Variants in RTN2 observed in about 807,000 individuals in gnomAD.
RTN2 encodes the protein reticulon 2.
In RTN2, 36 loss-of-function variants were observed where a neutral mutation model predicts 63.7. The observed-to-expected ratio is 0.56, with a 90% CI of 0.43 to 0.75. The LOEUF is 0.75. RTN2 is among the 30% of genes least tolerant of loss of function. RTN2 has a pLI of 0.00. For missense variants in RTN2, 673 were observed against 705.1 expected (o/e 0.95, Z 0.52); for synonymous variants, 312 against 313.0 (o/e 1.00, Z 0.03).
At position 45,494,686 on chromosome 19, in the gene RTN2, G is replaced by A. The variant is rs138223572; in HGVS notation, c.399C>T (p.Ser133=). The A allele has an allele frequency of 2.5e-6, 4 of 1,613,700 alleles. No individual in the cohort carries two copies. Among genetic ancestry groups the A allele is most frequent in the Non-Finnish European group, 1.7e-6 (2 of 1,179,988 alleles). Residue 133 remains serine (S), a synonymous_variant, in exon 3 of 11, where the codon TCC becomes TCT. Transcript: ENST00000245923. The surrounding 1 kb of genome is among the most constrained non-coding windows in gnomAD (Gnocchi z 5.3). ...RRGDPDTAPP[S]ERPLEDLRLR... ...GCCTCAGGTCTTCCAGAGGGCGCTC[G>A]GATGGAGGCGCGGTGTCAGGATCAC...
In RTN2 at chr19:45,494,678, G is replaced by A. The variant is rs1377964146; in HGVS notation, c.407C>T (p.Pro136Leu). The A allele has an allele frequency of 2.5e-6, 4 of 1,613,762 alleles. No individual in the cohort carries two copies. Among genetic ancestry groups the A allele is most frequent in the Admixed American group, 1.7e-5 (1 of 60,026 alleles). The change falls in exon 3 of 11, where the codon CCT (proline) becomes CTT (leucine). Residue 136 changes from proline (P) to leucine (L), a missense_variant. Coordinates refer to ENST00000245923, the MANE Select transcript of RTN2 (RefSeq NM_005619.5). This position sits in a 1 kb window ranked among gnomAD's most constrained non-coding sequence, Gnocchi z 5.3. ...DPDTAPPSER[P>L]LEDLRLRLDH... is the part of the protein sequence containing the mutation. ...CAACCGAAGCCTCAGGTCTTCCAGAGGGCGCTCGGATGGAGGCGCGGTGTC... is the reference window on the plus strand; with the variant it reads ...CAACCGAAGCCTCAGGTCTTCCAGAAGGCGCTCGGATGGAGGCGCGGTGTC...
chr19:45,496,831 C>G lies in RTN2; in HGVS notation c.-6G>C, dbSNP rs1192452801. The G allele has an allele frequency of 7.3e-6, 11 of 1,498,564 alleles. No individual in the cohort carries two copies. In the East Asian group the frequency reaches 1.6e-4, roughly 22 times the overall value. 92.8% of individuals were successfully genotyped at this position (1,498,564 alleles called of 1,614,324 possible). ...ACCGGCAGGACCTGCCCCATGGCCC[C>G]CCTCGGGCCTGCATCGGGACCCCCG... On this transcript the variant is annotated 5_prime_UTR_variant, in exon 1 of 11. Transcript: ENST00000245923.
chr19:45,490,586 AT>A (rs979521534), intron 5 of RTN2, among the ~76,000 whole-genome samples: 2 of 131,858 alleles, frequency 1.5e-5, no homozygotes, highest in Non-Finnish European at 1.7e-5. Context: ...TTTTGTTTTT[AT>A]TTTTTTTGAG....
At chr19:45,489,708 C>T (rs1968112594) in intron 5 of RTN2, among the ~76,000 whole-genome samples, 155 bp from the exon 6 acceptor site, 1 of 134,926 alleles carries the variant, frequency 7.4e-6, no homozygotes, top group South Asian at 2.3e-4. Context: ...GAGACAGGGT[C>T]TCACTCTGTC....
rs1253268684 is a variant in RTN2 at position 45,489,367 on chromosome 19, C to G, written c.1220G>C (p.Gly407Ala). The change falls in exon 6 of 11, where the codon GGG (glycine) becomes GCG (alanine). Residue 407 changes from glycine to alanine, a missense_variant. Gly to Ala is a moderately conservative substitution (Grantham distance 60, BLOSUM62 0). Transcript: ENST00000245923. ...TCACTGGAAAGGGTTGGCTCCATCCCCCCGGTGCACGGCCTGCAGCACTTT... is the reference window on the plus strand; with the variant it reads ...TCACTGGAAAGGGTTGGCTCCATCCGCCCGGTGCACGGCCTGCAGCACTTT... ...YRKVLQAVHRGDGANPFQAYL... is the reference protein window; with the variant it reads ...YRKVLQAVHRADGANPFQAYL... The G allele has an allele frequency of 6.4e-7, 1 of 1,572,184 alleles. No individual in the cohort carries two copies. The highest frequency in any genetic ancestry group is 1.9e-5 in the Admixed American group (1 of 52,916).
At chr19:45,492,896 C>T (rs888053693) in intron 5 of RTN2, among the ~76,000 whole-genome samples, 38 of 152,136 alleles carry the variant, frequency 2.5e-4, no homozygotes, top group African/African-American at 8.7e-4. Context: ...CCGTCTGGCC[C>T]CTGAGTGACA....
chr19:45,485,737 C>T lies in RTN2; in HGVS notation c.1609G>A (p.Val537Ile), dbSNP rs2122199468. 6.2e-7 allele frequency: 1 copy of T among 1,614,078 alleles called. No homozygotes were observed. Among genetic ancestry groups the T allele is most frequent in the South Asian group, 1.1e-5 (1 of 91,078 alleles). Residue 537 changes from valine (V) to isoleucine (I), a missense_variant, in exon 11 of 11, where the codon GTC (valine) becomes ATC (isoleucine). By Grantham distance (29) the Val-to-Ile change is conservative. Coordinates refer to ENST00000245923, the MANE Select transcript of RTN2 (RefSeq NM_005619.5). ...TGALASAAAAVSGSKAKAE is the reference protein window; with the variant it reads ...TGALASAAAAISGSKAKAE ...TCGGCTTTGGCTTTGGATCCGGAGA[C>T]TGCGGCTGCTGCAGAGGCCAGGGCT...
chr19:45,489,214 A>C, intron 6 of RTN2, 132 bp downstream of exon 6: 1 of 923,670 alleles, frequency 1.1e-6, no homozygotes, highest in Non-Finnish European at 1.6e-6. Context: ...ATTGAAGGGT[A>C]GGTTAGGGGA....
chr19:45,493,185 T>A lies in RTN2; in HGVS notation c.1008A>T (p.Ser336=). The A allele has an allele frequency of 1.2e-6, 2 of 1,612,552 alleles. No individual in the cohort carries two copies. The highest frequency in any genetic ancestry group is 1.3e-5 in the African/African-American group (1 of 74,942). Residue 336 remains serine (S), a synonymous_variant, in exon 5 of 11, where the codon TCA becomes TCT. Coordinates refer to ENST00000245923, the MANE Select transcript of RTN2 (RefSeq NM_005619.5). ...SPRSSGVPSL[S]LGADMGSKVA... Reference sequence around the variant, plus strand: ...CTTTACTCCCCATATCGGCTCCGAGTGAGAGGCTGGGGACACCGCTGCTTC... The same window carrying A: ...CTTTACTCCCCATATCGGCTCCGAGAGAGAGGCTGGGGACACCGCTGCTTC...
chr19:45,496,945 T>G lies in RTN2; in HGVS notation c.-120A>C. 1.9e-6 allele frequency: 1 copy of G among 520,512 alleles called. No homozygotes were observed. The highest frequency in any genetic ancestry group is 2.9e-6 in the Non-Finnish European group (1 of 339,022). The allele number at this position is 520,512 out of a possible 1,614,324, so 32.2% of individuals were successfully genotyped here. A position where few individuals can be genotyped will look rare whatever the true frequency, so the allele number is the denominator to read the frequency against. On this transcript the variant is annotated 5_prime_UTR_variant, in exon 1 of 11. Coordinates refer to ENST00000245923, the MANE Select transcript of RTN2 (RefSeq NM_005619.5). ...CGCCGCTGCCATTCTCGCCGCCTCC[T>G]CCTCCCGGGCTGCTCCAGCCGCCGC...
At chr19:45,495,030 G>A (rs764527204) in intron 2 of RTN2, 25 bp from the exon 3 acceptor site, 2 of 1,614,118 alleles carry the variant, frequency 1.2e-6, no homozygotes, top group Non-Finnish European at 1.7e-6. Context: ...GGAGAGCCTT[G>A]TTTCCCTCAG....
intron 1 of RTN2, chr19:45,496,523 G>A (rs1406259244): frequency 5.8e-6 from 2 of 344,844 alleles, no homozygotes; most frequent in Non-Finnish European, 1.0e-5. Context: ...CCTCGCTCCC[G>A]GGCGGGGCCG....
intron 9 of RTN2, 53 bp from the exon 10 acceptor site, chr19:45,486,166 T>C (rs542841064): frequency 6.6e-7 from 1 of 1,523,070 alleles, no homozygotes; most frequent in East Asian, 2.3e-5. Context: ...TTCTTCTCTT[T>C]AGTCACATAG....
chr19:45,496,343 A>T (rs1198831161), intron 1 of RTN2, among the ~76,000 whole-genome samples: 2 of 152,212 alleles, frequency 1.3e-5, no homozygotes, highest in Non-Finnish European at 2.9e-5. Flanking sequence ...AGGGTTGGAC[A>T]GTTTGGGCGA....
In RTN2 at chr19:45,494,127, T is replaced by C; in HGVS notation, c.814+39A>G. 7 of 1,591,722 alleles carry C rather than the reference T, an allele frequency of 4.4e-6. No individual in the cohort carries two copies. The highest frequency in any genetic ancestry group is 6.0e-6 in the Non-Finnish European group (7 of 1,174,614). ...TTCAAAATCCTCTCACCTTTTGCCT[T>C]CTGTGGGCCAATGCAGCATCTTCAT... is the stretch of plus-strand genomic sequence containing the variant. On this transcript the variant is annotated intron_variant, in intron 4 of 10. Transcript: ENST00000245923. This position sits in a 1 kb window ranked among gnomAD's most constrained non-coding sequence, Gnocchi z 5.3.
chr19:45,495,528 C>T (rs1968252529), intron 1 of RTN2, among the ~76,000 whole-genome samples: 1 of 152,116 alleles, frequency 6.6e-6, no homozygotes, highest in Non-Finnish European at 1.5e-5. Context: ...GAATATATGA[C>T]GTCGGGTGCA....
rs1968274872 is a variant in RTN2 at position 45,496,568 on chromosome 19, C to T, written c.34+224G>A. ...TCCCAGAGCGCAGCGCGCCCCCCGC[C>T]TGCTGTCTCAGTGCCCCCTCACCTC... is the stretch of plus-strand genomic sequence containing the variant. On this transcript the variant is annotated intron_variant, in intron 1 of 10. Transcript: ENST00000245923. The T allele has an allele frequency of 3.5e-5, 13 of 374,264 alleles. No individual in the cohort carries two copies. The East Asian group carries it at 4.9e-4, about 14-fold the overall frequency. The allele number at this position is 374,264 out of a possible 1,614,324, so 23.2% of individuals were successfully genotyped here.
rs140427245 is a variant in RTN2, at chr19:45,489,378, G to C, written c.1209C>G (p.Ala403=). 6.3e-7 allele frequency: 1 copy of C among 1,582,678 alleles called. No homozygotes were observed. Among genetic ancestry groups the C allele is most frequent in the Non-Finnish European group, 8.6e-7 (1 of 1,165,112 alleles). The change falls in exon 6 of 11, where the codon GCC becomes GCG. Residue 403 remains alanine, a synonymous_variant. Coordinates refer to ENST00000245923, the MANE Select transcript of RTN2 (RefSeq NM_005619.5). Reference sequence around the variant, plus strand: ...GGTTGGCTCCATCCCCCCGGTGCACGGCCTGCAGCACTTTGCGGTAAACCC... The same window carrying C: ...GGTTGGCTCCATCCCCCCGGTGCACCGCCTGCAGCACTTTGCGGTAAACCC... ...SLRVYRKVLQ[A]VHRGDGANPF...
chr19:45,490,349 C>T (rs979875060), intron 5 of RTN2, among the ~76,000 whole-genome samples: 1 of 152,102 alleles, frequency 6.6e-6, no homozygotes, highest in East Asian at 1.9e-4. Context: ...TGTGGCTGTG[C>T]TCCTGTGCTC....
Sources: gnomAD v4.1 joint callset for allele counts (sites outside exome capture counted in the v4.1 genomes callset) on GRCh38, gnomAD v4.1.1 for gene constraint, Gnocchi (gnomAD v3.1) non-coding constraint, MANE v1.5 for transcripts, NCBI Gene and HGNC (gene_info 2026-07-23, HGNC 2026-07-21) for gene names.